GNAO1: variants seen among roughly 807,000 people sequenced by gnomAD.
GNAO1 encodes G protein subunit alpha o1.
For missense variants in GNAO1, 166 were observed against 478.7 expected, an observed-to-expected ratio of 0.35 and a Z score of 6.10; for synonymous variants, 164 against 180.7, an observed-to-expected ratio of 0.91 and a Z score of 0.74.
chr16:56,308,735 G>A (rs1358809229), intron 3 of GNAO1, among the ~76,000 whole-genome samples: 4 of 152,146 alleles, frequency 2.6e-5, no homozygotes, highest in African/African-American at 4.8e-5. Flanking sequence ...GAGGTGAACC[G>A]GCACCCACGG....
At chr16:56,335,014 T>C (rs1339051752) in intron 5 of GNAO1, among the ~76,000 whole-genome samples, 157 bp downstream of exon 5, 1 of 152,232 alleles carries the variant, frequency 6.6e-6, no homozygotes, top group Non-Finnish European at 1.5e-5. Context: ...CCTGTCTGTG[T>C]TTCTGCCAAG....
At chr16:56,288,749 G>A (rs2037198934) in intron 3 of GNAO1, among the ~76,000 whole-genome samples, 1 of 152,054 alleles carries the variant, frequency 6.6e-6, no homozygotes, top group Non-Finnish European at 1.5e-5. Context: ...AGGCGGGTAG[G>A]GTCTTTGTCA....
chr16:56,243,297 A>C (rs2036712044), intron 2 of GNAO1, among the ~76,000 whole-genome samples: 1 of 152,174 alleles, frequency 6.6e-6, no homozygotes, highest in Non-Finnish European at 1.5e-5. Context: ...CAGTCCATGG[A>C]AAATTGTCTC....
At chr16:56,194,925 C>T (rs1256904838) in intron 2 of GNAO1, among the ~76,000 whole-genome samples, 3 of 152,112 alleles carry the variant, frequency 2.0e-5, no homozygotes, top group Non-Finnish European at 4.4e-5. Flanking sequence ...GGCAGGAAAT[C>T]TTAAATGAAG....
chr16:56,245,302 G>A (rs2036733004), intron 2 of GNAO1, among the ~76,000 whole-genome samples: 1 of 152,182 alleles, frequency 6.6e-6, no homozygotes, highest in African/African-American at 2.4e-5. Context: ...AATTCAGTTT[G>A]TATGGATTTG....
intron 3 of GNAO1, chr16:56,300,501 A>G (rs2037334379): frequency 6.6e-6 from 1 of 152,200 alleles, no homozygotes; most frequent in Non-Finnish European, 1.5e-5. Context: ...TTTAATCCTC[A>G]TAACACCCTG....
At chr16:56,249,002 G>C (rs1001876348) in intron 2 of GNAO1, among the ~76,000 whole-genome samples, 52 of 152,154 alleles carry the variant, frequency 3.4e-4, no homozygotes, top group African/African-American at 1.3e-3. Context: ...GCCTATATAA[G>C]GTGCTCTACT....
At chr16:56,290,437 C>G (rs1279641849) in intron 3 of GNAO1, among the ~76,000 whole-genome samples, 1 of 152,208 alleles carries the variant, frequency 6.6e-6, no homozygotes, top group Non-Finnish European at 1.5e-5. Context: ...TAGAGCTGTT[C>G]TTGATCCCAG....
intron 3 of GNAO1, among the ~76,000 whole-genome samples, chr16:56,294,378 C>G (rs1311605738): frequency 6.6e-6 from 1 of 150,412 alleles, no homozygotes; most frequent in Non-Finnish European, 1.5e-5. Flanking sequence ...TGGGTGTGAG[C>G]TAGGTGTCTG....
intron 3 of GNAO1, among the ~76,000 whole-genome samples, chr16:56,278,358 C>A (rs577867793): frequency 5.3e-5 from 8 of 152,224 alleles, no homozygotes; most frequent in Admixed American, 3.9e-4. Context: ...CACTCAGGCA[C>A]CCCCTTCCTG....
chr16:56,284,902 C>T (rs945662068), intron 3 of GNAO1, among the ~76,000 whole-genome samples: 7 of 152,334 alleles, frequency 4.6e-5, no homozygotes, highest in Admixed American at 4.6e-4. Flanking sequence ...CTGATCCCTC[C>T]ACAGCGTTTG....
In GNAO1 at chr16:56,209,890, C is replaced by A. The variant is rs76785888; in HGVS notation, c.161+17274C>A. 1.6e-4 allele frequency among the ~76,000 whole-genome samples: 25 copies of A among 152,060 alleles called. No homozygotes were observed. The East Asian group carries it at 4.8e-3, about 29-fold the overall frequency. On this transcript the variant is annotated intron_variant, in intron 2 of 8. Transcript: ENST00000262493. ...ATTCCAGTTGATGAACCTATACTGG[C>A]GCATTATAATCACCCAAAGTTCATG...
At position 56,276,314 on chromosome 16, in the gene GNAO1, T is replaced by C. The variant is rs544584257; in HGVS notation, c.303+242T>C. ...AAAACTCCCGGATTTATTTTGCAGATGAGGAAGAGTTGGTGACAGTTCTAA... is the reference window on the plus strand; with the variant it reads ...AAAACTCCCGGATTTATTTTGCAGACGAGGAAGAGTTGGTGACAGTTCTAA... On this transcript the variant is annotated intron_variant, in intron 3 of 8. Transcript: ENST00000262493. 6.8e-5 allele frequency: 26 copies of C among 383,516 alleles called. 1 individual carries two copies. Among genetic ancestry groups the C allele is most frequent in the African/African-American group, 4.8e-4 (24 of 49,522 alleles). The allele number at this position is 383,516 out of a possible 1,614,324, so 23.8% of individuals were successfully genotyped here.
At chr16:56,206,868 C>A (rs988042269) in intron 2 of GNAO1, among the ~76,000 whole-genome samples, 16 of 152,152 alleles carry the variant, frequency 1.1e-4, no homozygotes, top group Non-Finnish European at 4.4e-5. Context: ...TACAATTCAG[C>A]CTGTATTATT....
At chr16:56,300,044 C>CT (rs1567474762) in intron 3 of GNAO1, among the ~76,000 whole-genome samples, 3 of 37,356 alleles carry the variant, frequency 8.0e-5, no homozygotes, top group African/African-American at 3.6e-4. Context: ...TGTGCGCGCG[C>CT]GCGCGCGCAC....
At chr16:56,304,376 T>C (rs2037373524) in intron 3 of GNAO1, among the ~76,000 whole-genome samples, 1 of 152,266 alleles carries the variant, frequency 6.6e-6, no homozygotes, top group African/African-American at 2.4e-5. Context: ...TCATCATTTA[T>C]TCAGCAGGTC....
At chr16:56,310,106 A>C (rs1461280685) in intron 3 of GNAO1, among the ~76,000 whole-genome samples, 1 of 152,080 alleles carries the variant, frequency 6.6e-6, no homozygotes, top group African/African-American at 2.4e-5. Context: ...GAGGCCAAGA[A>C]GACCAGCGTG....
At chr16:56,273,214 A>G (rs1365934127) in intron 2 of GNAO1, among the ~76,000 whole-genome samples, 1 of 152,184 alleles carries the variant, frequency 6.6e-6, no homozygotes, top group East Asian at 1.9e-4. Flanking sequence ...TAAACATAAT[A>G]CATTTTTCAG....
intron 6 of GNAO1, among the ~76,000 whole-genome samples, chr16:56,349,779 C>CTAAT (rs1387531065): frequency 2.0e-5 from 3 of 152,160 alleles, no homozygotes; most frequent in Non-Finnish European, 4.4e-5. Flanking sequence ...CCAACTTCAG[C>CTAAT]TAATAGGAAC....
Sources: gnomAD v4.1 joint callset for allele counts (sites outside exome capture counted in the v4.1 genomes callset) on GRCh38, gnomAD v4.1.1 for gene constraint, MANE v1.5 for transcripts, NCBI Gene and HGNC (gene_info 2026-07-23, HGNC 2026-07-21) for gene names.